NRXN3: variants seen among roughly 807,000 people sequenced by gnomAD.
NRXN3 encodes the protein neurexin III.
Under a neutral mutation model 137.6 loss-of-function variants are expected in NRXN3, and 32 were observed. That is an observed-to-expected ratio of 0.23 (90% CI 0.18 to 0.31). NRXN3 has a LOEUF of 0.31. Ranked by LOEUF, NRXN3 falls within the 10% of genes least tolerant of loss-of-function variation. The pLI, the probability that NRXN3 is intolerant of heterozygous loss-of-function variation, is 1.00. For missense variants in NRXN3, 1,574 were observed against 2,062.5 expected, an observed-to-expected ratio of 0.76 and a Z score of 4.59; for synonymous variants, 798 against 784.5, an observed-to-expected ratio of 1.02 and a Z score of -0.29.
chr14:79,759,807 G>C (rs936591937), intron 19 of NRXN3, among the ~76,000 whole-genome samples: 6 of 151,472 alleles, frequency 4.0e-5, no homozygotes, highest in African/African-American at 1.5e-4. Flanking sequence ...TCATTTTTTT[G>C]GAAGAAAGAA....
intron 15 of NRXN3, among the ~76,000 whole-genome samples, chr14:79,034,588 A>C (rs552716944): frequency 1.3e-5 from 2 of 152,226 alleles, no homozygotes; most frequent in Admixed American, 6.5e-5. Flanking sequence ...GCAGGTGTAA[A>C]ATCTAAAGTA....
At chr14:79,398,901 T>C (rs2095104422) in intron 15 of NRXN3, among the ~76,000 whole-genome samples, 2 of 148,690 alleles carry the variant, frequency 1.3e-5, no homozygotes, top group Admixed American at 6.9e-5. Context: ...TCCCAGCTAC[T>C]CGGTACACTG....
chr14:79,511,674 G>A (rs1043684987), intron 16 of NRXN3, among the ~76,000 whole-genome samples: 2 of 152,100 alleles, frequency 1.3e-5, no homozygotes, highest in African/African-American at 4.8e-5. Context: ...TGTTAAACCT[G>A]CTCCATCAAC....
intron 4 of NRXN3, among the ~76,000 whole-genome samples, chr14:78,313,561 A>G (rs2078224082): frequency 6.6e-6 from 1 of 151,970 alleles, no homozygotes; most frequent in Non-Finnish European, 1.5e-5. Flanking sequence ...CCCCATTTTC[A>G]CAGGCAAGAA....
chr14:79,517,103 C>CT (rs1555499632), intron 16 of NRXN3, among the ~76,000 whole-genome samples: 10 of 150,214 alleles, frequency 6.7e-5, no homozygotes, highest in Non-Finnish European at 1.2e-4. Flanking sequence ...CCCCCCCCCC[C>CT]TCAACGAATG....
At chr14:78,173,636 C>G (rs766339250) in intron 1 of NRXN3, among the ~76,000 whole-genome samples, 13 of 144,040 alleles carry the variant, frequency 9.0e-5, no homozygotes, top group Non-Finnish European at 3.0e-5. Flanking sequence ...CCCCCTTCCT[C>G]CAGCCCTTTC....
At chr14:78,832,524 G>A (rs1295522187) in intron 10 of NRXN3, among the ~76,000 whole-genome samples, 1 of 152,000 alleles carries the variant, frequency 6.6e-6, no homozygotes, top group Non-Finnish European at 1.5e-5. Context: ...GTCGGCTTTG[G>A]ACAAATCCTC....
rs112237288 is a variant in NRXN3 at position 79,403,299 on chromosome 14, T to C, written c.3263-63922T>C. On this transcript the variant is annotated intron_variant, in intron 15 of 20. Coordinates refer to ENST00000335750, the MANE Select transcript of NRXN3 (RefSeq NM_001330195.2). ...CCTATGCTAGGGATGAGGACATGCCTTTCCCAAAAATAGGTGAAATTACCA... is the reference window on the plus strand; with the variant it reads ...CCTATGCTAGGGATGAGGACATGCCCTTCCCAAAAATAGGTGAAATTACCA... Among the ~76,000 whole-genome samples the C allele has an allele frequency of 7.5e-3, 1,143 of 152,242 alleles. 15 individuals are homozygous for C. Among genetic ancestry groups the C allele is most frequent in the African/African-American group, 0.026 (1,083 of 41,562 alleles).
chr14:79,097,827 A>G (rs767116447), intron 15 of NRXN3, among the ~76,000 whole-genome samples: 10 of 152,146 alleles, frequency 6.6e-5, no homozygotes, highest in Non-Finnish European at 8.8e-5. Context: ...GACTCTCTCA[A>G]TTTGTCCCCC....
At chr14:79,668,470 C>T (rs2098582576) in intron 17 of NRXN3, among the ~76,000 whole-genome samples, 1 of 152,078 alleles carries the variant, frequency 6.6e-6, no homozygotes, top group Non-Finnish European at 1.5e-5. Context: ...CAGTGTCACA[C>T]AGCTTAAGGA....
At chr14:79,485,675 C>A (rs1234124181) in intron 16 of NRXN3, among the ~76,000 whole-genome samples, 1 of 150,154 alleles carries the variant, frequency 6.7e-6, no homozygotes, top group Non-Finnish European at 1.5e-5. Context: ...ACATCATATT[C>A]CAGGTATTAC....
intron 10 of NRXN3, among the ~76,000 whole-genome samples, chr14:78,907,928 T>C (rs982432208): frequency 6.6e-6 from 1 of 152,102 alleles, no homozygotes; most frequent in Non-Finnish European, 1.5e-5. Flanking sequence ...TTGCTAAGGA[T>C]AATGGCCTCC....
chr14:78,836,091 G>T (rs189815495), intron 10 of NRXN3, among the ~76,000 whole-genome samples: 1 of 152,100 alleles, frequency 6.6e-6, no homozygotes, highest in African/African-American at 2.4e-5. Context: ...AATTTTTAAG[G>T]TCTCTTTCAA....
chr14:78,535,064 A>T (rs915652236), intron 4 of NRXN3, among the ~76,000 whole-genome samples: 2 of 152,092 alleles, frequency 1.3e-5, no homozygotes, highest in Non-Finnish European at 2.9e-5. Flanking sequence ...AATTGTGTGT[A>T]ATGAGCAAAT....
At chr14:78,567,051 CCA>C (rs2096843020) in intron 4 of NRXN3, among the ~76,000 whole-genome samples, 1 of 152,110 alleles carries the variant, frequency 6.6e-6, no homozygotes, top group Non-Finnish European at 1.5e-5. Context: ...TATGGAGACT[CCA>C]CCATGGATGA....
intron 15 of NRXN3, among the ~76,000 whole-genome samples, chr14:79,077,552 A>T (rs1188592138): frequency 6.6e-6 from 1 of 152,128 alleles, no homozygotes; most frequent in African/African-American, 2.4e-5. Flanking sequence ...CACATGGGCC[A>T]TTTGAAAAAC....
intron 16 of NRXN3, among the ~76,000 whole-genome samples, chr14:79,551,391 G>T (rs117405017): frequency 2.0e-5 from 3 of 152,246 alleles, no homozygotes; most frequent in Middle Eastern, 3.4e-3. Flanking sequence ...AAATGATTTT[G>T]TCTCCCACTA....
chr14:79,715,243 G>A lies in NRXN3; in HGVS notation c.4014+17306G>A, dbSNP rs111940436. Among the ~76,000 whole-genome samples, 1,352 of 152,282 alleles carry A rather than the reference G, an allele frequency of 8.9e-3. 12 individuals carry two copies. Among genetic ancestry groups the A allele is most frequent in the Non-Finnish European group, 0.014 (941 of 68,018 alleles). ...GCTGGGATTACAGGCGTGAGCCACT[G>A]TGCCCAGCCTCTTAAATCCTGTTGT... On this transcript the variant is annotated intron_variant, in intron 19 of 20. Transcript: ENST00000335750.
At chr14:79,655,853 A>T (rs1049422006) in intron 16 of NRXN3, among the ~76,000 whole-genome samples, 10 of 152,172 alleles carry the variant, frequency 6.6e-5, no homozygotes, top group African/African-American at 2.4e-4. Context: ...GTGAACCAAG[A>T]CATTAATGTA....
Sources: gnomAD v4.1 joint callset for allele counts (sites outside exome capture counted in the v4.1 genomes callset) on GRCh38, gnomAD v4.1.1 for gene constraint, MANE v1.5 for transcripts, NCBI Gene and HGNC (gene_info 2026-07-23, HGNC 2026-07-21) for gene names.